KYNU: variants seen among roughly 807,000 people sequenced by gnomAD.
The protein encoded by KYNU is kynureninase, also known as L-kynurenine hydrolase.
In KYNU, 54 loss-of-function variants were observed where a neutral mutation model predicts 59.2. The ratio of observed to expected loss-of-function variants is 0.91; its 90% CI spans 0.73 to 1.14. The LOEUF (loss-of-function observed/expected upper bound fraction) is 1.14. KYNU is among the 50% of genes most tolerant of loss of function. KYNU has a pLI of 0.00. For missense variants in KYNU, 567 were observed against 554.4 expected, an observed-to-expected ratio of 1.02 and a Z score of -0.23; for synonymous variants, 177 against 192.0, an observed-to-expected ratio of 0.92 and a Z score of 0.65.
At position 143,055,770 on chromosome 2, in the gene KYNU, A is replaced by G. The variant is rs980895525; in HGVS notation, c.*13598A>G. 1.3e-5 allele frequency: 2 copies of G among 152,136 alleles called. No homozygotes were observed. Among genetic ancestry groups the G allele is most frequent in the African/African-American group, 4.8e-5 (2 of 41,436 alleles). 9.4% of individuals were successfully genotyped at this position (152,136 alleles called of 1,614,324 possible). On this transcript the variant is annotated 3_prime_UTR_variant, in exon 14 of 14. Transcript: ENST00000264170. ...TGATAAATTTGAAAACTGGGTGAAT[A>G]ATATGTGGAATTCTCTCTATTTTTG...
intron 2 of KYNU, among the ~76,000 whole-genome samples, chr2:142,906,901 G>A (rs1682316657): frequency 6.6e-6 from 1 of 152,144 alleles, no homozygotes; most frequent in Non-Finnish European, 1.5e-5. Context: ...AGTGGAAGCT[G>A]GTTCCAGGCA....
intron 4 of KYNU, among the ~76,000 whole-genome samples, chr2:142,939,193 T>C (rs145319928): frequency 2.0e-5 from 3 of 150,830 alleles, no homozygotes; most frequent in Non-Finnish European, 4.4e-5. Flanking sequence ...AATAGAAGAG[T>C]TGTAAACAAA....
chr2:142,884,464 G>A (rs368404507), intron 1 of KYNU, among the ~76,000 whole-genome samples: 1 of 152,032 alleles, frequency 6.6e-6, no homozygotes, highest in South Asian at 2.1e-4. Context: ...GCTGCTTTTC[G>A]ACACTTTGAC....
chr2:142,917,660 AT>A (rs1682710388), intron 2 of KYNU, among the ~76,000 whole-genome samples: 1 of 152,188 alleles, frequency 6.6e-6, no homozygotes, highest in African/African-American at 2.4e-5. Context: ...GATCCAGGAA[AT>A]AATGGATACC....
At chr2:142,952,913 C>T (rs925890407) in intron 4 of KYNU, among the ~76,000 whole-genome samples, 1 of 152,096 alleles carries the variant, frequency 6.6e-6, no homozygotes, top group African/African-American at 2.4e-5. Flanking sequence ...CCTCCTTCCA[C>T]TCACCCTGCC....
At chr2:142,939,147 CAAACA>C (rs147246587) in intron 4 of KYNU, among the ~76,000 whole-genome samples, 1 of 151,474 alleles carries the variant, frequency 6.6e-6, no homozygotes, top group Non-Finnish European at 1.5e-5. Context: ...GACCCTGTCT[CAAACA>C]AAACAAAACA....
At chr2:142,900,420 G>A (rs995751227) in intron 2 of KYNU, among the ~76,000 whole-genome samples, 3 of 152,196 alleles carry the variant, frequency 2.0e-5, no homozygotes, top group Non-Finnish European at 2.9e-5. Context: ...GGGACCCAAA[G>A]AGGGTAGCCA....
intron 10 of KYNU, among the ~76,000 whole-genome samples, chr2:142,992,374 T>A (rs1236726313): frequency 6.6e-6 from 1 of 151,816 alleles, no homozygotes; most frequent in East Asian, 1.9e-4. Flanking sequence ...CCATATCATT[T>A]TGTCAAGAAA....
intron 2 of KYNU, among the ~76,000 whole-genome samples, chr2:142,897,344 A>T (rs1477218148): frequency 2.0e-5 from 3 of 152,342 alleles, no homozygotes; most frequent in Admixed American, 1.3e-4. Context: ...AGATTTATGG[A>T]CATAATCATA....
At chr2:143,009,956 A>G (rs1405066328) in intron 10 of KYNU, among the ~76,000 whole-genome samples, 3 of 123,854 alleles carry the variant, frequency 2.4e-5, no homozygotes, top group African/African-American at 1.1e-4. Context: ...CCAATATCAT[A>G]CTGAATGGGC....
At chr2:143,011,828 C>T (rs1686107320) in intron 10 of KYNU, among the ~76,000 whole-genome samples, 3 of 131,824 alleles carry the variant, frequency 2.3e-5, no homozygotes, top group African/African-American at 9.0e-5. Context: ...AAACCAAACA[C>T]CGCATATTCT....
intron 8 of KYNU, among the ~76,000 whole-genome samples, chr2:142,961,126 G>C (rs1039537637): frequency 4.6e-5 from 7 of 151,290 alleles, no homozygotes; most frequent in Non-Finnish European, 1.0e-4. Context: ...TCGGGCGGTG[G>C]AGATTGCAGT....
At chr2:142,889,638 G>C (rs17281006) in intron 2 of KYNU, among the ~76,000 whole-genome samples, 20,095 of 152,092 alleles carry the variant, frequency 0.13, 1,576 homozygotes, top group African/African-American at 0.22. Context: ...GACCCCCAAC[G>C]GTGTTGAAAT....
intron 3 of KYNU, 66 bp from the exon 4 acceptor site, chr2:142,927,593 T>C: frequency 1.8e-6 from 2 of 1,131,756 alleles, no homozygotes; most frequent in Non-Finnish European, 2.7e-6. Flanking sequence ...CTAAAGCTGA[T>C]ATTTGAAATA....
chr2:142,891,730 C>T (rs1048299833), intron 2 of KYNU, among the ~76,000 whole-genome samples: 6 of 152,090 alleles, frequency 3.9e-5, no homozygotes, highest in Non-Finnish European at 7.4e-5. Flanking sequence ...GGAAAGCATA[C>T]TTTTCTCTAT....
At chr2:143,024,981 A>G (rs866977810) in intron 10 of KYNU, among the ~76,000 whole-genome samples, 7 of 151,814 alleles carry the variant, frequency 4.6e-5, no homozygotes, top group African/African-American at 1.7e-4. Flanking sequence ...GTCCCTTGCT[A>G]GTTTTTCCAT....
chr2:143,039,936 T>A (rs1686985777), intron 12 of KYNU, among the ~76,000 whole-genome samples: 1 of 152,142 alleles, frequency 6.6e-6, no homozygotes, highest in Non-Finnish European at 1.5e-5. Context: ...ACAGTAAAAC[T>A]TGTTTAATCC....
intron 4 of KYNU, among the ~76,000 whole-genome samples, chr2:142,943,796 C>A (rs1683685108): frequency 6.6e-6 from 1 of 152,176 alleles, no homozygotes; most frequent in South Asian, 2.1e-4. Context: ...CCAGCCACCT[C>A]TAAAGGCTGC....
At chr2:142,885,184 A>G (rs1371211601) in intron 1 of KYNU, among the ~76,000 whole-genome samples, 165 bp from the exon 2 acceptor site, 1 of 150,152 alleles carries the variant, frequency 6.7e-6, no homozygotes, top group Non-Finnish European at 1.5e-5. Flanking sequence ...CTTTTCATAT[A>G]TGAGAAAAAC....
Sources: gnomAD v4.1 joint callset for allele counts (sites outside exome capture counted in the v4.1 genomes callset) on GRCh38, gnomAD v4.1.1 for gene constraint, MANE v1.5 for transcripts, NCBI Gene and HGNC (gene_info 2026-07-23, HGNC 2026-07-21) for gene names.